Variants in GPC6 observed in about 807,000 individuals in gnomAD.
GPC6 encodes glypican 6.
A neutral mutation model predicts 55.2 loss-of-function variants in GPC6; 14 were observed. The observed-to-expected ratio is 0.25, with a 90% confidence interval of 0.17 to 0.40. The LOEUF (loss-of-function observed/expected upper bound fraction) is 0.40, where lower values mean the gene tolerates loss of function less well. Among genes scored for constraint, GPC6 ranks in the 10% least tolerant of loss-of-function variants. GPC6 has a pLI of 1.00. For synonymous variants in GPC6, 278 were observed against 259.6 expected (o/e 1.07, Z -0.68); for missense variants, 641 against 708.5 (o/e 0.90, Z 1.08).
chr13:94,304,066 G>A (rs1875812183), intron 5 of GPC6, among the ~76,000 whole-genome samples: 1 of 152,344 alleles, frequency 6.6e-6, no homozygotes, highest in South Asian at 2.1e-4. Flanking sequence ...CTGGAGCTTT[G>A]GAAATGTTAA....
intron 3 of GPC6, among the ~76,000 whole-genome samples, chr13:93,832,477 T>A (rs1887557851): frequency 6.6e-6 from 1 of 152,110 alleles, no homozygotes; most frequent in African/African-American, 2.4e-5. Context: ...AAATTCAAAG[T>A]ATGGATGGAT....
chr13:93,593,624 A>G (rs1389729386), intron 2 of GPC6, among the ~76,000 whole-genome samples: 1 of 152,138 alleles, frequency 6.6e-6, no homozygotes, highest in East Asian at 1.9e-4. Context: ...TTCTGGAAAC[A>G]TTGAGCTATA....
chr13:93,386,473 G>A (rs74108508), intron 1 of GPC6, among the ~76,000 whole-genome samples: 5,004 of 152,204 alleles, frequency 0.033, 286 homozygotes, highest in African/African-American at 0.11. Context: ...CACTAATAGT[G>A]CATAACAAGG....
chr13:93,778,726 G>T (rs775355947), intron 2 of GPC6, among the ~76,000 whole-genome samples: 1 of 152,088 alleles, frequency 6.6e-6, no homozygotes, highest in Non-Finnish European at 1.5e-5. Context: ...TCACCTCTCA[G>T]CCCTACCCAG....
At chr13:93,797,258 G>A (rs1316957712) in intron 2 of GPC6, among the ~76,000 whole-genome samples, 2 of 152,144 alleles carry the variant, frequency 1.3e-5, no homozygotes, top group Non-Finnish European at 2.9e-5. Context: ...ACTGAACGTT[G>A]TCACATTGTG....
intron 3 of GPC6, among the ~76,000 whole-genome samples, chr13:93,952,543 C>T (rs1240780527): frequency 1.3e-5 from 2 of 151,734 alleles, no homozygotes; most frequent in Non-Finnish European, 2.9e-5. Context: ...TATCATTTAT[C>T]TTTTATTTTT....
chr13:93,631,536 AAT>A (rs1216864894), intron 2 of GPC6, among the ~76,000 whole-genome samples: 2 of 152,212 alleles, frequency 1.3e-5, no homozygotes, highest in African/African-American at 4.8e-5. Flanking sequence ...CTAACAAACT[AAT>A]ATATGTCTCA....
intron 4 of GPC6, among the ~76,000 whole-genome samples, chr13:94,071,115 T>C (rs1326600655): frequency 1.3e-5 from 2 of 152,206 alleles, no homozygotes; most frequent in Non-Finnish European, 2.9e-5. Flanking sequence ...ATGTGCCATC[T>C]TGACCTTAAA....
chr13:93,295,709 C>T (rs1346792217), intron 1 of GPC6, among the ~76,000 whole-genome samples: 2 of 151,862 alleles, frequency 1.3e-5, no homozygotes, highest in African/African-American at 4.8e-5. Flanking sequence ...TCTCGATCTC[C>T]TGACCTTGTG....
chr13:94,026,073 C>CT, intron 3 of GPC6, among the ~76,000 whole-genome samples: 1 of 152,216 alleles, frequency 6.6e-6, no homozygotes, highest in East Asian at 1.9e-4. Context: ...CTGTAAAAGT[C>CT]TTTCACCTAT....
intron 6 of GPC6, among the ~76,000 whole-genome samples, chr13:94,372,449 G>T (rs1275814521): frequency 1.1e-4 from 16 of 152,128 alleles, no homozygotes; most frequent in African/African-American, 3.4e-4. Context: ...AGAAAGGGGT[G>T]ACTGACGGCA....
At chr13:93,766,661 C>T (rs79723878) in intron 2 of GPC6, among the ~76,000 whole-genome samples, 5,569 of 152,094 alleles carry the variant, frequency 0.037, 168 homozygotes, top group Middle Eastern at 0.13. Flanking sequence ...GATACAAAGA[C>T]ATACTGTAAG....
At chr13:94,010,180 GA>G (rs1402106876) in intron 3 of GPC6, among the ~76,000 whole-genome samples, 22 of 152,150 alleles carry the variant, frequency 1.4e-4, no homozygotes, top group Non-Finnish European at 1.5e-5. Flanking sequence ...AAGTCTGGGG[GA>G]AAAAATGTTG....
chr13:94,117,493 A>G (rs533781367), intron 4 of GPC6, among the ~76,000 whole-genome samples: 21 of 152,254 alleles, frequency 1.4e-4, no homozygotes, highest in Admixed American at 1.4e-3. Context: ...CTTAGAGAAC[A>G]ATTACCTAAA....
intron 6 of GPC6, among the ~76,000 whole-genome samples, chr13:94,359,487 A>T (rs1250444266): frequency 6.6e-6 from 1 of 152,200 alleles, no homozygotes; most frequent in Non-Finnish European, 1.5e-5. Flanking sequence ...TCTGTTCAGA[A>T]AGACTCACAG....
chr13:93,935,422 C>T (rs1244083880), intron 3 of GPC6, among the ~76,000 whole-genome samples: 1 of 152,114 alleles, frequency 6.6e-6, no homozygotes, highest in African/African-American at 2.4e-5. Flanking sequence ...CAGTGTTGCT[C>T]AAAGGACATG....
chr13:93,528,328 C>T (rs1479221706), intron 1 of GPC6, among the ~76,000 whole-genome samples: 1 of 152,116 alleles, frequency 6.6e-6, no homozygotes, highest in East Asian at 1.9e-4. Context: ...TGTGGGACTG[C>T]AACTGCAATA....
intron 4 of GPC6, among the ~76,000 whole-genome samples, chr13:94,199,274 G>T (rs1402375839): frequency 6.6e-6 from 1 of 152,160 alleles, no homozygotes; most frequent in Admixed American, 6.5e-5. Flanking sequence ...CTGAGTCATT[G>T]ACTCTTTTTA....
chr13:93,484,220 A>T (rs1042261195), intron 1 of GPC6, among the ~76,000 whole-genome samples: 4 of 152,084 alleles, frequency 2.6e-5, no homozygotes, highest in Admixed American at 2.6e-4. Context: ...TTACATTATC[A>T]TCCTTGTTTT....
Sources: allele counts gnomAD v4.1 joint callset (sites outside exome capture counted in the v4.1 genomes callset), GRCh38; gene constraint gnomAD v4.1.1; transcripts MANE v1.5; gene names NCBI Gene and HGNC (gene_info 2026-07-23, HGNC 2026-07-21).